ZNF540: variants seen among roughly 807,000 people sequenced by gnomAD.
ZNF540 encodes the protein CTD-3064H18.6.
A neutral mutation model predicts 11.8 loss-of-function variants in ZNF540; 3 were observed. The observed-to-expected ratio is 0.25, with a 90% CI of 0.12 to 0.65. ZNF540 has a LOEUF of 0.65. Ranked by LOEUF, ZNF540 falls within the 30% of genes least tolerant of loss-of-function variation. The probability of loss-of-function intolerance (pLI) is 0.83; values close to 1 mark genes in which losing one functional copy is unlikely to be tolerated. For missense variants in ZNF540, 709 were observed against 793.1 expected, an observed-to-expected ratio of 0.89 and a Z score of 1.27; for synonymous variants, 247 against 259.0, an observed-to-expected ratio of 0.95 and a Z score of 0.45.
At position 37,569,598 on chromosome 19, in the gene ZNF540, G is replaced by A. The variant is rs936661903; in HGVS notation, c.-73+17933G>A. 6.6e-6 allele frequency among the ~76,000 whole-genome samples: 1 copy of A among 152,030 alleles called. No individual in the cohort carries two copies. Among genetic ancestry groups the A allele is most frequent in the Non-Finnish European group, 1.5e-5 (1 of 68,012 alleles). The stretch of plus-strand genomic sequence containing the variant: ...TCCTGTTTTATTAAAAACAACAAGT[G>A]CTGCTTATAACCTACTAGGTTGTAT... On this transcript the variant is annotated intron_variant, in intron 1 of 4. Transcript: ENST00000592533. The surrounding 1 kb of genome is among the most constrained non-coding windows in gnomAD (Gnocchi z 4.4).
At chr19:37,581,915 C>T (rs2043482697) in intron 1 of ZNF540, among the ~76,000 whole-genome samples, 1 of 151,936 alleles carries the variant, frequency 6.6e-6, no homozygotes, top group South Asian at 2.1e-4. Context: ...CTGTCTATAC[C>T]TTTTGCTTTT....
chr19:37,611,379 T>C (rs2044127237), intron 4 of ZNF540, 134 bp from the exon 5 acceptor site: 1 of 665,458 alleles, frequency 1.5e-6, no homozygotes. Flanking sequence ...TATATAACTT[T>C]ATTGAAATAT....
Position 37,613,022 on chromosome 19 carries a change from G to A in ZNF540, c.1742G>A (p.Cys581Tyr). 2 of 1,614,164 alleles carry A rather than the reference G, an allele frequency of 1.2e-6. No individual in the cohort carries two copies. Among genetic ancestry groups the A allele is most frequent in the Non-Finnish European group, 1.7e-6 (2 of 1,180,008 alleles). The change falls in exon 5 of 5, where the codon TGT becomes TAT. Residue 581 changes from cysteine (C) to tyrosine (Y), a missense_variant. Coordinates refer to ENST00000316433, the MANE Select transcript of ZNF540 (RefSeq NM_001172225.3). ...KIHTGVKPYK[C>Y]KECGKAFSRS... ...CATACGGGTGTAAAACCATACAAAT[G>A]TAAAGAATGTGGGAAGGCCTTTAGT... is the stretch of plus-strand genomic sequence containing the variant.
chr19:37,564,613 T>C (rs2042779388), intron 1 of ZNF540: 2 of 1,539,394 alleles, frequency 1.3e-6, no homozygotes, highest in Admixed American at 4.1e-5. Context: ...TATGAAGCCT[T>C]GTATGTTGAG....
chr19:37,563,332 A>AAAAAAAAAG (rs1312534046), intron 1 of ZNF540: 4 of 151,030 alleles, frequency 2.6e-5, no homozygotes, highest in Non-Finnish European at 4.4e-5. Context: ...ACCCTGTCTC[A>AAAAAAAAAG]AAAAAAAAGA....
intron 1 of ZNF540, among the ~76,000 whole-genome samples, chr19:37,568,962 C>CTT (rs879782657): frequency 8.9e-5 from 13 of 145,694 alleles, no homozygotes; most frequent in African/African-American, 2.7e-4. Flanking sequence ...CCCAAGGCAT[C>CTT]TTTTTTTTTT....
intron 1 of ZNF540, chr19:37,585,185 C>T (rs1027964898): frequency 3.3e-4 from 50 of 152,296 alleles, no homozygotes; most frequent in African/African-American, 1.2e-3. Flanking sequence ...TGATCATCCT[C>T]TCTCATTGGT....
At chr19:37,552,280 T>A (rs907174319) in intron 1 of ZNF540, among the ~76,000 whole-genome samples, 7 of 152,332 alleles carry the variant, frequency 4.6e-5, no homozygotes, top group Admixed American at 1.3e-4. Flanking sequence ...TATTGACAAT[T>A]TATGGCTCAG....
intron 3 of ZNF540, among the ~76,000 whole-genome samples, chr19:37,600,054 G>A (rs2044027036): frequency 6.6e-6 from 1 of 152,156 alleles, no homozygotes; most frequent in Non-Finnish European, 1.5e-5. Flanking sequence ...AATGAAATCA[G>A]GTTTCACATT....
At chr19:37,557,829 G>A (rs1409043199) in intron 1 of ZNF540, among the ~76,000 whole-genome samples, 1 of 152,166 alleles carries the variant, frequency 6.6e-6, no homozygotes, top group East Asian at 1.9e-4. Context: ...GGAGCCTTAA[G>A]GGTTAAATTT....
chr19:37,584,859 G>A (rs1478660346), intron 1 of ZNF540, among the ~76,000 whole-genome samples: 1 of 151,736 alleles, frequency 6.6e-6, no homozygotes, highest in Non-Finnish European at 1.5e-5. Context: ...AGCTACTCGG[G>A]AGGCTGAGGC....
chr19:37,563,729 CGTGGAAT>C (rs1426494632), intron 1 of ZNF540: 8 of 143,392 alleles, frequency 5.6e-5, no homozygotes, highest in African/African-American at 2.1e-4. Context: ...AATACATACA[CGTGGAAT>C]ATATACACAT....
Position 37,611,736 on chromosome 19 carries a change from T to C in ZNF540, c.456T>C (p.Asp152=). The C allele has an allele frequency of 6.2e-7, 1 of 1,613,950 alleles. No homozygotes were observed. Among genetic ancestry groups the C allele is most frequent in the Non-Finnish European group, 8.5e-7 (1 of 1,179,932 alleles). ...KKIVSKKMST[D]RKRPSFTLNQ... Reference sequence around the variant, plus strand: ...TCGTCTCTAAAAAAATGTCAACTGATAGAAAACGTCCCTCTTTTACTCTGA... The same window carrying C: ...TCGTCTCTAAAAAAATGTCAACTGACAGAAAACGTCCCTCTTTTACTCTGA... The change falls in exon 5 of 5, where the codon GAT becomes GAC. Residue 152 remains aspartate (D), a synonymous_variant. Coordinates refer to ENST00000316433, the MANE Select transcript of ZNF540 (RefSeq NM_001172225.3).
chr19:37,585,904 A>C (rs1324813101), intron 1 of ZNF540: 1 of 152,258 alleles, frequency 6.6e-6, no homozygotes, highest in Non-Finnish European at 1.5e-5. Context: ...AGCACAAGTC[A>C]AAATGTGATT....
chr19:37,592,390 C>T (rs944117380), upstream of ZNF540, among the ~76,000 whole-genome samples: 2 of 152,208 alleles, frequency 1.3e-5, no homozygotes, highest in Non-Finnish European at 2.9e-5. Flanking sequence ...ATAGCCACCA[C>T]TCTCATGAAA....
intron 1 of ZNF540, 105 bp downstream of exon 1, chr19:37,595,200 ATGTGTGTGTGTGTGCGTGTG>A (rs2043977840): frequency 6.6e-6 from 1 of 151,546 alleles, no homozygotes; most frequent in Non-Finnish European, 1.5e-5. Context: ...CTTTGCGGCC[ATGTGTGTGTGTGTGCGTGTG>A]TGTGTGGGTC....
intron 1 of ZNF540, among the ~76,000 whole-genome samples, chr19:37,596,769 G>A (rs765979406): frequency 1.3e-4 from 20 of 152,108 alleles, no homozygotes; most frequent in Non-Finnish European, 1.9e-4. Context: ...ATAACATGGC[G>A]TGAGGGCATC....
chr19:37,600,604 A>C (rs2044031763), intron 3 of ZNF540, among the ~76,000 whole-genome samples: 1 of 152,132 alleles, frequency 6.6e-6, no homozygotes, highest in South Asian at 2.1e-4. Context: ...TACTACTTTT[A>C]TTTTCATTTT....
chr19:37,570,991 A>AATTTG (rs1185074477), intron 1 of ZNF540, among the ~76,000 whole-genome samples: 1 of 152,234 alleles, frequency 6.6e-6, no homozygotes, highest in East Asian at 1.9e-4. Flanking sequence ...TACTAACAGT[A>AATTTG]TATAGCCTAT....
Sources: allele counts gnomAD v4.1 joint callset (sites outside exome capture counted in the v4.1 genomes callset), GRCh38; gene constraint gnomAD v4.1.1; non-coding constraint Gnocchi (gnomAD v3.1); transcripts MANE v1.5; gene names NCBI Gene and HGNC (gene_info 2026-07-23, HGNC 2026-07-21).